ST3GAL3: variants seen among roughly 807,000 people sequenced by gnomAD.
ST3GAL3 encodes the protein ST3 beta-galactoside alpha-2,3-sialyltransferase 3.
A neutral mutation model predicts 50.1 loss-of-function variants in ST3GAL3; 21 were observed. That is an observed-to-expected ratio of 0.42 (90% CI 0.30 to 0.60). The LOEUF is 0.60. Among genes scored for constraint, ST3GAL3 ranks in the 20% least tolerant of loss-of-function variants. The pLI is 0.19. For synonymous variants in ST3GAL3, 183 were observed against 190.0 expected (o/e 0.96, Z 0.30); for missense variants, 353 against 489.4 (o/e 0.72, Z 2.63).
intron 9 of ST3GAL3, among the ~76,000 whole-genome samples, chr1:43,909,208 A>G (rs1371220979): frequency 1.3e-5 from 2 of 152,174 alleles, no homozygotes; most frequent in Non-Finnish European, 2.9e-5. Context: ...TCAGGATTCT[A>G]ACTCCAAACT....
intron 2 of ST3GAL3, among the ~76,000 whole-genome samples, chr1:43,791,720 C>T (rs542250260): frequency 1.2e-4 from 18 of 152,258 alleles, no homozygotes; most frequent in African/African-American, 4.3e-4. Flanking sequence ...GAAGAAAGGG[C>T]AAGATCAAAG....
chr1:43,846,895 A>G (rs72888712), intron 5 of ST3GAL3, among the ~76,000 whole-genome samples: 10,300 of 152,260 alleles, frequency 0.068, 380 homozygotes, highest in East Asian at 0.14. Context: ...TGCAAATCAT[A>G]TATCTGATAA....
intron 4 of ST3GAL3, among the ~76,000 whole-genome samples, chr1:43,831,140 G>A (rs1170004262): frequency 6.6e-6 from 1 of 152,208 alleles, no homozygotes; most frequent in Admixed American, 6.5e-5. Context: ...AGTAGAACTG[G>A]TGGCTTAAAC....
chr1:43,815,050 C>T, intron 4 of ST3GAL3, 117 bp downstream of exon 4: 3 of 1,047,192 alleles, frequency 2.9e-6, no homozygotes, highest in Non-Finnish European at 3.0e-6. Context: ...TCCCTGGGGC[C>T]TCTGTCCTCA....
chr1:43,754,455 G>A (rs761157256), intron 2 of ST3GAL3, among the ~76,000 whole-genome samples: 4 of 152,156 alleles, frequency 2.6e-5, no homozygotes, highest in Non-Finnish European at 5.9e-5. Flanking sequence ...GCCTCCCAAA[G>A]TGCTGGGATT....
intron 2 of ST3GAL3, among the ~76,000 whole-genome samples, chr1:43,751,776 C>T (rs946216681): frequency 3.9e-5 from 6 of 152,010 alleles, no homozygotes; most frequent in African/African-American, 7.3e-5. Context: ...CTCTCATGGT[C>T]GTTATAATCT....
At chr1:43,725,272 C>T (rs1229894872) in intron 1 of ST3GAL3, among the ~76,000 whole-genome samples, 1 of 151,910 alleles carries the variant, frequency 6.6e-6, no homozygotes, top group Non-Finnish European at 1.5e-5. Flanking sequence ...GTGGTGCAAT[C>T]GGCTTACTCC....
intron 5 of ST3GAL3, among the ~76,000 whole-genome samples, chr1:43,888,812 T>A (rs2076317866): frequency 1.3e-5 from 2 of 152,198 alleles, no homozygotes; most frequent in Admixed American, 1.3e-4. Context: ...GGCACTTTCA[T>A]ACATCACTGG....
intron 5 of ST3GAL3, among the ~76,000 whole-genome samples, chr1:43,854,727 G>A (rs940495809): frequency 5.3e-5 from 8 of 152,162 alleles, no homozygotes; most frequent in Admixed American, 2.6e-4. Flanking sequence ...CCAACGCACC[G>A]AATTTCCAAC....
intron 3 of ST3GAL3, among the ~76,000 whole-genome samples, chr1:43,800,173 C>T (rs553498006): frequency 3.1e-4 from 47 of 152,276 alleles, no homozygotes; most frequent in Admixed American, 7.8e-4. Flanking sequence ...CTAGGCCTCT[C>T]ACCTCCCCCA....
chr1:43,729,089 C>CTTTTT (rs71914132), intron 1 of ST3GAL3, among the ~76,000 whole-genome samples: 6 of 117,438 alleles, frequency 5.1e-5, no homozygotes, highest in South Asian at 2.7e-4. Context: ...AATTATTTTT[C>CTTTTT]TTTTTTTTTT....
chr1:43,857,939 A>G (rs1419978043), intron 5 of ST3GAL3, among the ~76,000 whole-genome samples: 1 of 152,092 alleles, frequency 6.6e-6, no homozygotes, highest in African/African-American at 2.4e-5. Flanking sequence ...CTAGTGATTC[A>G]TTTTTATTCT....
At position 43,920,457 on chromosome 1, in the gene ST3GAL3, C is replaced by T; in HGVS notation, c.798C>T (p.Pro266=). 1 of 1,614,158 alleles carries T rather than the reference C, an allele frequency of 6.2e-7. No individual in the cohort carries two copies. Among genetic ancestry groups the T allele is most frequent in the Non-Finnish European group, 8.5e-7 (1 of 1,180,036 alleles). Residue 266 remains proline (P), a synonymous_variant, in exon 10 of 12, where the codon CCC becomes CCT. Coordinates refer to ENST00000347631, the MANE Select transcript of ST3GAL3 (RefSeq NM_006279.5). ...TGGCCACTCGAGTGCCCAAGGAGCC[C>T]CCTGAGATTCGAATCCTCAACCCAT... ...KSVATRVPKE[P]PEIRILNPYF...
At chr1:43,750,409 A>G (rs1483581837) in intron 2 of ST3GAL3, among the ~76,000 whole-genome samples, 1 of 152,250 alleles carries the variant, frequency 6.6e-6, no homozygotes, top group East Asian at 1.9e-4. Flanking sequence ...GGTACTGGAA[A>G]CAACCTAAAT....
At chr1:43,787,677 T>A (rs887275879) in intron 2 of ST3GAL3, among the ~76,000 whole-genome samples, 1 of 152,262 alleles carries the variant, frequency 6.6e-6, no homozygotes, top group African/African-American at 2.4e-5. Flanking sequence ...TCCAGTAGAC[T>A]GTCACCTGTT....
chr1:43,815,399 C>T (rs2061109350), intron 4 of ST3GAL3, among the ~76,000 whole-genome samples: 1 of 152,178 alleles, frequency 6.6e-6, no homozygotes, highest in South Asian at 2.1e-4. Flanking sequence ...TTTGCATGTG[C>T]TTGTTATCTG....
chr1:43,806,111 T>C (rs1440526277), intron 3 of ST3GAL3, among the ~76,000 whole-genome samples: 2 of 152,152 alleles, frequency 1.3e-5, no homozygotes, highest in Admixed American at 1.3e-4. Context: ...AAGAGGTGGC[T>C]TATTCAGGGA....
intron 4 of ST3GAL3, among the ~76,000 whole-genome samples, chr1:43,817,128 A>G (rs1406811552): frequency 6.6e-6 from 1 of 152,196 alleles, no homozygotes; most frequent in African/African-American, 2.4e-5. Flanking sequence ...GCTGCATAGT[A>G]TTACATGACC....
chr1:43,775,584 T>G (rs904491204), intron 2 of ST3GAL3, among the ~76,000 whole-genome samples: 1 of 152,162 alleles, frequency 6.6e-6, no homozygotes, highest in African/African-American at 2.4e-5. Flanking sequence ...GTTAACAAAT[T>G]CAGACATTTG....
Sources: allele counts gnomAD v4.1 joint callset (sites outside exome capture counted in the v4.1 genomes callset), GRCh38; gene constraint gnomAD v4.1.1; transcripts MANE v1.5; gene names NCBI Gene and HGNC (gene_info 2026-07-23, HGNC 2026-07-21).